The following BLTP3B variants were observed in gnomAD, a reference collection of about 807,000 sequenced individuals.
The protein encoded by BLTP3B is bridge-like lipid transfer protein family member 3B.
the BLTP3B span, among the ~76,000 whole-genome samples, chr12:100,137,086 T>C: frequency 7.9e-5 from 12 of 152,184 alleles, no homozygotes; most frequent in Non-Finnish European, 1.3e-4. Flanking sequence ...GGTAGGATTA[T>C]AGGCATAAGC....
chr12:100,050,950 C>G, the BLTP3B span: 1 of 1,267,816 alleles, frequency 7.9e-7, no homozygotes, highest in Non-Finnish European at 1.1e-6. Context: ...AGAACAAAAG[C>G]TGCAAATTGA....
At chr12:100,101,312 T>C in the BLTP3B span, among the ~76,000 whole-genome samples, 1 of 152,188 alleles carries the variant, frequency 6.6e-6, no homozygotes, top group East Asian at 1.9e-4. Flanking sequence ...GCATGCACTG[T>C]AGGTATTCTC....
chr12:100,047,684 T>C, the BLTP3B span: 2 of 1,373,240 alleles, frequency 1.5e-6, no homozygotes, highest in South Asian at 2.3e-5. Flanking sequence ...CATTCGGTCA[T>C]ATTTTTAATG....
the BLTP3B span, chr12:100,047,496 T>C: frequency 3.3e-6 from 5 of 1,511,264 alleles, no homozygotes; most frequent in South Asian, 3.4e-5. Context: ...CAAAATTCCA[T>C]CTCATAAATA....
the BLTP3B span, among the ~76,000 whole-genome samples, chr12:100,068,415 G>C: frequency 6.6e-6 from 1 of 152,144 alleles, no homozygotes. Flanking sequence ...ACATTGGAAA[G>C]ACTCTTCTAC....
At chr12:100,088,974 T>C in the BLTP3B span, 5 of 1,599,676 alleles carry the variant, frequency 3.1e-6, no homozygotes, top group African/African-American at 5.6e-5. Context: ...AATCACTAAA[T>C]GATGGGAGGT....
the BLTP3B span, among the ~76,000 whole-genome samples, chr12:100,141,147 T>A: frequency 6.6e-6 from 1 of 151,958 alleles, no homozygotes; most frequent in East Asian, 1.9e-4. Flanking sequence ...GGGCCATATA[T>A]ATAATTTTAA....
the BLTP3B span, chr12:100,048,037 G>C: frequency 3.7e-5 from 59 of 1,611,456 alleles, no homozygotes; most frequent in Non-Finnish European, 4.9e-5. Context: ...ATTCATAAGA[G>C]AAGATGTAAG....
the BLTP3B span, chr12:100,142,799 G>A: frequency 1.9e-6 from 2 of 1,046,780 alleles, no homozygotes. Flanking sequence ...CCGCCGCCGA[G>A]AACCCGGAGC....
chr12:100,111,340 G>T, the BLTP3B span, among the ~76,000 whole-genome samples: 2 of 145,184 alleles, frequency 1.4e-5, no homozygotes, highest in African/African-American at 5.2e-5. Flanking sequence ...GTTGTCCAGG[G>T]TGGAGTGCAG....
chr12:100,055,929 A>G, the BLTP3B span, among the ~76,000 whole-genome samples: 1 of 152,220 alleles, frequency 6.6e-6, no homozygotes, highest in Non-Finnish European at 1.5e-5. Context: ...CTCTCTGAAG[A>G]TAACAGTATA....
chr12:100,137,419 C>T, the BLTP3B span, among the ~76,000 whole-genome samples: 1 of 152,128 alleles, frequency 6.6e-6, no homozygotes, highest in African/African-American at 2.4e-5. Flanking sequence ...TGTGTTTAAC[C>T]CTTCTGAATG....
At chr12:100,126,843 T>C in the BLTP3B span, among the ~76,000 whole-genome samples, 1 of 152,188 alleles carries the variant, frequency 6.6e-6, no homozygotes. Flanking sequence ...TGATATCTAC[T>C]TTATTCCAAG....
chr12:100,083,397 T>C, the BLTP3B span, among the ~76,000 whole-genome samples: 1 of 151,940 alleles, frequency 6.6e-6, no homozygotes, highest in African/African-American at 2.4e-5. Context: ...AAAAATGACA[T>C]ATTTACATAG....
At chr12:100,052,506 CAGAA>C in the BLTP3B span, among the ~76,000 whole-genome samples, 9 of 151,936 alleles carry the variant, frequency 5.9e-5, no homozygotes, top group South Asian at 1.7e-3. Context: ...ATAAAATAAA[CAGAA>C]AGAAAAAGAG....
chr12:100,088,913 A>C, the BLTP3B span: 1 of 1,545,696 alleles, frequency 6.5e-7, no homozygotes. Flanking sequence ...AAGTTATTTT[A>C]CCTTTTTCTT....
chr12:100,099,237 G>A, the BLTP3B span, among the ~76,000 whole-genome samples: 1 of 151,612 alleles, frequency 6.6e-6, no homozygotes, highest in Non-Finnish European at 1.5e-5. Context: ...CAGATGATCT[G>A]CCCACCTTGG....
At chr12:100,058,357 T>C in the BLTP3B span, 1 of 1,613,344 alleles carries the variant, frequency 6.2e-7, no homozygotes, top group Admixed American at 1.7e-5. Flanking sequence ...TCACTTATTT[T>C]CCCTAAATGT....
At chr12:100,077,805 G>A in the BLTP3B span, among the ~76,000 whole-genome samples, 2 of 152,220 alleles carry the variant, frequency 1.3e-5, no homozygotes, top group Non-Finnish European at 1.5e-5. Flanking sequence ...CTCAAACATT[G>A]CAATTAGACC....
Sources: gnomAD v4.1 joint callset for allele counts (sites outside exome capture counted in the v4.1 genomes callset) on GRCh38, gnomAD v4.1.1 for gene constraint, MANE v1.5 for transcripts, NCBI Gene and HGNC (gene_info 2026-07-23, HGNC 2026-07-21) for gene names.